Variants in EXOC4 observed in about 807,000 individuals in gnomAD.
EXOC4 encodes the protein exocyst complex component 4, also known as SEC8-like 1.
Under a neutral mutation model 107.2 loss-of-function variants are expected in EXOC4, and 71 were observed. That is an observed-to-expected ratio of 0.66 (90% CI 0.55 to 0.81). The LOEUF is 0.81. Among genes scored for constraint, EXOC4 ranks in the 30% least tolerant of loss-of-function variants. EXOC4 has a pLI of 0.00. For missense variants in EXOC4, 1,108 were observed against 1,189.6 expected (o/e 0.93, Z 1.01); for synonymous variants, 456 against 441.2 (o/e 1.03, Z -0.42).
intron 7 of EXOC4, among the ~76,000 whole-genome samples, chr7:133,388,474 AC>A (rs912297032): frequency 8.6e-4 from 130 of 152,020 alleles, no homozygotes; most frequent in African/African-American, 3.0e-3. Context: ...ATGTGGTGAA[AC>A]CCTGTTTCTA....
rs527883380 is a variant in EXOC4, at chr7:133,672,540, A to G, written c.1514+42399A>G. Reference sequence around the variant, plus strand: ...ATGGATATAAACTTGAAAGCCATCAACATTCCAGTGTTTTGTAAGGTTGTG... The same window carrying G: ...ATGGATATAAACTTGAAAGCCATCAGCATTCCAGTGTTTTGTAAGGTTGTG... On this transcript the variant is annotated intron_variant, in intron 10 of 17. Coordinates refer to ENST00000253861, the MANE Select transcript of EXOC4 (RefSeq NM_021807.4). 3.9e-5 allele frequency among the ~76,000 whole-genome samples: 6 copies of G among 152,280 alleles called. No individual in the cohort carries two copies. The South Asian group carries it at 1.0e-3, about 26-fold the overall frequency.
intron 10 of EXOC4, among the ~76,000 whole-genome samples, chr7:133,771,013 A>T (rs959364295): frequency 2.6e-5 from 4 of 151,958 alleles, no homozygotes; most frequent in Non-Finnish European, 5.9e-5. Context: ...AAAAGGAATG[A>T]TTTACTTCCC....
intron 3 of EXOC4, among the ~76,000 whole-genome samples, chr7:133,296,817 T>C (rs975300806): frequency 1.3e-5 from 2 of 152,180 alleles, no homozygotes; most frequent in African/African-American, 4.8e-5. Context: ...TGCTTGGCTA[T>C]GGGGCAGTGA....
chr7:133,305,349 T>G (rs750552327), intron 3 of EXOC4, among the ~76,000 whole-genome samples: 1 of 152,140 alleles, frequency 6.6e-6, no homozygotes, highest in Non-Finnish European at 1.5e-5. Context: ...TTTGTAGCAT[T>G]CATGTAAAAA....
intron 9 of EXOC4, among the ~76,000 whole-genome samples, chr7:133,613,492 C>T (rs1802119854): frequency 6.6e-6 from 1 of 151,938 alleles, no homozygotes; most frequent in African/African-American, 2.4e-5. Context: ...ATGTATTTTC[C>T]ATCGTGTTTA....
chr7:133,369,932 G>A (rs942786637), intron 6 of EXOC4, among the ~76,000 whole-genome samples: 9 of 150,674 alleles, frequency 6.0e-5, no homozygotes, highest in Non-Finnish European at 1.3e-4. Context: ...AGCCTCCCGA[G>A]TAGCTGGGAT....
chr7:133,545,810 TCA>T (rs1195675457), intron 9 of EXOC4, among the ~76,000 whole-genome samples: 2 of 152,212 alleles, frequency 1.3e-5, no homozygotes. Context: ...ATGTCAGATC[TCA>T]GTTTCATGTG....
chr7:133,402,722 T>C (rs2150733647), intron 7 of EXOC4, among the ~76,000 whole-genome samples: 1 of 152,256 alleles, frequency 6.6e-6, no homozygotes, highest in Admixed American at 6.5e-5. Context: ...CAGGCTGTTC[T>C]TGAACTCGTG....
chr7:133,431,008 G>C (rs1024151695), intron 7 of EXOC4, among the ~76,000 whole-genome samples: 2 of 152,148 alleles, frequency 1.3e-5, no homozygotes, highest in Admixed American at 6.5e-5. Flanking sequence ...AAATTTTACT[G>C]AATAATGAAT....
intron 14 of EXOC4, among the ~76,000 whole-genome samples, chr7:133,958,034 T>C (rs547856209): frequency 6.6e-6 from 1 of 152,346 alleles, no homozygotes; most frequent in Middle Eastern, 3.4e-3. Flanking sequence ...CTCGTGATAC[T>C]TCCTGTTAAT....
chr7:133,895,327 C>T (rs538300788), intron 11 of EXOC4: 1 of 348,694 alleles, frequency 2.9e-6, no homozygotes, highest in Non-Finnish European at 5.5e-6. Flanking sequence ...CGCCCACTGT[C>T]TGGCACTCCC....
intron 5 of EXOC4, 130 bp from the exon 6 acceptor site, chr7:133,356,200 A>G (rs1796016886): frequency 1.1e-6 from 1 of 927,764 alleles, no homozygotes; most frequent in Non-Finnish European, 1.6e-6. Flanking sequence ...TGCAAATATA[A>G]TTTAATTGAA....
At chr7:134,005,780 G>A (rs1024760699) in intron 16 of EXOC4, among the ~76,000 whole-genome samples, 4 of 152,174 alleles carry the variant, frequency 2.6e-5, no homozygotes, top group African/African-American at 7.2e-5. Context: ...TTCTCTCACA[G>A]AATTAAACTA....
chr7:133,301,835 GAATGGCCAAGTTTAGTGTTCCTCCA>G (rs1254555017), intron 3 of EXOC4, among the ~76,000 whole-genome samples: 16 of 152,130 alleles, frequency 1.1e-4, no homozygotes, highest in South Asian at 2.1e-4. Context: ...CAGCTGCTGA[GAATGGCCAAGTTTAGTGTTCCTCCA>G]AAATATTTAC....
rs56769096 is a variant in EXOC4 at position 133,735,219 on chromosome 7, C to CAAAAAAA, written c.1515-82079_1515-82073dup. Among the ~76,000 whole-genome samples, 19 of 33,504 alleles carry CAAAAAAA rather than the reference C, an allele frequency of 5.7e-4. 1 individual carries two copies. Among genetic ancestry groups the CAAAAAAA allele is most frequent in the Admixed American group, 7.2e-4 (1 of 1,396 alleles). 22.0% of individuals were successfully genotyped at this position (33,504 alleles called of 152,430 possible). ...TGGGTGACAGAGGAAGACTCTGTCTCAAAAAAAAAAAAAAAAAAAAAAAAA... is the reference window on the plus strand; with the variant it reads ...TGGGTGACAGAGGAAGACTCTGTCTCAAAAAAAAAAAAAAAAAAAAAAAAAAAAAAAA... On this transcript the variant is annotated intron_variant, in intron 10 of 17. Coordinates refer to ENST00000253861, the MANE Select transcript of EXOC4 (RefSeq NM_021807.4).
At chr7:133,471,816 A>AT (rs1182790849) in intron 7 of EXOC4, among the ~76,000 whole-genome samples, 1 of 152,198 alleles carries the variant, frequency 6.6e-6, no homozygotes, top group Non-Finnish European at 1.5e-5. Flanking sequence ...GAACATATAA[A>AT]TTGGGGGTAG....
the EXOC4 span, among the ~76,000 whole-genome samples, chr7:134,089,281 T>TA: frequency 7.9e-5 from 12 of 152,300 alleles, no homozygotes; most frequent in Non-Finnish European, 1.2e-4. Context: ...ACTTTAGGCA[T>TA]AAAAAAATCC....
downstream of EXOC4, among the ~76,000 whole-genome samples, chr7:134,069,124 C>G (rs929977198): frequency 2.6e-5 from 4 of 152,186 alleles, no homozygotes; most frequent in Non-Finnish European, 4.4e-5. Flanking sequence ...CTCTTCTGAG[C>G]TTTGCTTCTC....
intron 10 of EXOC4, among the ~76,000 whole-genome samples, chr7:133,725,352 A>G (rs911636186): frequency 2.0e-5 from 3 of 152,088 alleles, no homozygotes; most frequent in Admixed American, 6.6e-5. Flanking sequence ...GCTAGTAACT[A>G]TATTAGGGTT....
Sources: allele counts gnomAD v4.1 joint callset (sites outside exome capture counted in the v4.1 genomes callset), GRCh38; gene constraint gnomAD v4.1.1; transcripts MANE v1.5; gene names NCBI Gene and HGNC (gene_info 2026-07-23, HGNC 2026-07-21).